The following GPR143 variants were observed in gnomAD, a reference collection of about 807,000 sequenced individuals.
GPR143 encodes G-protein coupled receptor 143.
A neutral mutation model predicts 27.6 loss-of-function variants in GPR143; 8 were observed. The ratio of observed to expected loss-of-function variants is 0.29; its 90% CI spans 0.17 to 0.52. GPR143 has a LOEUF of 0.52. GPR143 is among the 20% of genes least tolerant of loss of function. GPR143 has a pLI of 0.96. For missense variants in GPR143, 303 were observed against 343.1 expected (o/e 0.88, Z 0.92); for synonymous variants, 156 against 153.2 (o/e 1.02, Z -0.13).
intron 1 of GPR143, among the ~76,000 whole-genome samples, chrX:9,763,835 C>T (rs192784800): frequency 1.1e-4 from 12 of 112,355 alleles, no homozygotes; most frequent in Non-Finnish European, 1.3e-4. Context: ...GGGAGCCATA[C>T]TTTCTCAGTC....
chrX:9,770,918 T>C (rs188162968), upstream of GPR143, among the ~76,000 whole-genome samples: 15 of 112,110 alleles, frequency 1.3e-4, no homozygotes, highest in Non-Finnish European at 7.5e-5. Flanking sequence ...AACAGGAGTT[T>C]ATGAGTAACA....
At chrX:9,734,983 A>G (rs1237099714) in intron 8 of GPR143, among the ~76,000 whole-genome samples, 1 of 111,235 alleles carries the variant, frequency 9.0e-6, no homozygotes, top group Non-Finnish European at 1.9e-5. Context: ...CCTAGTAATG[A>G]CTCTCTTCAG....
At chrX:9,727,113 G>A (rs542643495) in intron 8 of GPR143, among the ~76,000 whole-genome samples, 74 of 113,014 alleles carry the variant, frequency 6.5e-4, no homozygotes, top group African/African-American at 2.2e-3. Context: ...TGCTGGTAAC[G>A]GATGAAATCC....
upstream of GPR143, chrX:9,765,887 G>C: frequency 1.0e-6 from 1 of 976,234 alleles, no homozygotes. Flanking sequence ...TGTGCTGGGC[G>C]GGCTGGGGGC....
At chrX:9,763,984 A>C (rs996061354) in intron 1 of GPR143, among the ~76,000 whole-genome samples, 2 of 112,708 alleles carry the variant, frequency 1.8e-5, no homozygotes, top group Non-Finnish European at 3.7e-5. Context: ...CATGCCAGGA[A>C]ATATTTTTTA....
chrX:9,764,062 G>A (rs1455732004), intron 1 of GPR143, among the ~76,000 whole-genome samples: 1 of 112,114 alleles, frequency 8.9e-6, no homozygotes, highest in Non-Finnish European at 1.9e-5. Context: ...AACACTTTAC[G>A]ATGCCAAGGG....
chrX:9,777,436 G>C (rs1432931683), intron 1 of GPR143, among the ~76,000 whole-genome samples: 4 of 111,506 alleles, frequency 3.6e-5, no homozygotes, highest in Non-Finnish European at 7.5e-5. Context: ...GGTGTGAACT[G>C]AATCTCTCAG....
chrX:9,761,795 C>A (rs1024048238), intron 1 of GPR143, among the ~76,000 whole-genome samples: 2 of 112,666 alleles, frequency 1.8e-5, no homozygotes, highest in African/African-American at 3.2e-5. Context: ...ATGCAATATC[C>A]GTTGTTTAAA....
At chrX:9,753,184 C>T (rs907763452) in intron 3 of GPR143, among the ~76,000 whole-genome samples, 1 of 110,039 alleles carries the variant, frequency 9.1e-6, no homozygotes, top group African/African-American at 3.3e-5. Context: ...ATGGTGAAAC[C>T]CCATCTCTAC....
intron 1 of GPR143, among the ~76,000 whole-genome samples, chrX:9,775,461 GA>G (rs2083568132): frequency 8.9e-6 from 1 of 111,785 alleles, no homozygotes; most frequent in African/African-American, 3.2e-5. Flanking sequence ...CATGGGCTGG[GA>G]ACATCAGATA....
intron 1 of GPR143, among the ~76,000 whole-genome samples, chrX:9,778,509 T>C (rs939187230): frequency 1.8e-5 from 2 of 109,634 alleles, no homozygotes; most frequent in Admixed American, 9.8e-5. Context: ...AAGAGAGAGA[T>C]AGGTGTACAT....
chrX:9,778,069 C>T (rs1338247612), intron 1 of GPR143, among the ~76,000 whole-genome samples: 4 of 109,058 alleles, frequency 3.7e-5, no homozygotes, highest in African/African-American at 1.0e-4. Flanking sequence ...CCAGCCTGGG[C>T]GACAGAGTGA....
chrX:9,765,401 G>C (rs748705023), intron 1 of GPR143, among the ~76,000 whole-genome samples, 167 bp downstream of exon 1: 2 of 110,853 alleles, frequency 1.8e-5, no homozygotes, highest in Admixed American at 1.9e-4. Flanking sequence ...CCTGCACCGG[G>C]CAGGTTCCAA....
intron 1 of GPR143, among the ~76,000 whole-genome samples, chrX:9,778,139 A>G (rs2083576792): frequency 1.8e-5 from 2 of 112,133 alleles, no homozygotes; most frequent in African/African-American, 6.5e-5. Context: ...CAAGCGGCTT[A>G]CAAGAAATGT....
At chrX:9,761,074 CT>C (rs200603977) in intron 1 of GPR143, among the ~76,000 whole-genome samples, 48 of 110,910 alleles carry the variant, frequency 4.3e-4, no homozygotes, top group African/African-American at 1.6e-3. Flanking sequence ...CATAAAATAA[CT>C]TTTTTTTATT....
chrX:9,737,392 T>C (rs1454469016), intron 8 of GPR143, among the ~76,000 whole-genome samples: 1 of 112,010 alleles, frequency 8.9e-6, no homozygotes, highest in African/African-American at 3.2e-5. Flanking sequence ...ATAAAAAGAA[T>C]GAAGTTCTGA....
At chrX:9,725,909 T>C (rs1209801405) in intron 8 of GPR143, 69 bp from the exon 9 acceptor site, 10 of 1,108,135 alleles carry the variant, frequency 9.0e-6, no homozygotes, top group Admixed American at 2.7e-5. Flanking sequence ...CTTCAGAAAA[T>C]GCTCAGTATT....
intron 4 of GPR143, among the ~76,000 whole-genome samples, chrX:9,747,437 C>T (rs770658497): frequency 6.3e-5 from 7 of 111,326 alleles, no homozygotes; most frequent in South Asian, 3.8e-4. Context: ...CAGGAGTCTC[C>T]GGGGTCCCAC....
At chrX:9,756,141 A>G (rs1033698024) in intron 3 of GPR143, among the ~76,000 whole-genome samples, 7 of 112,197 alleles carry the variant, frequency 6.2e-5, no homozygotes, top group African/African-American at 2.3e-4. Flanking sequence ...TATGATCTCT[A>G]TTTACTGATA....
Sources: gnomAD v4.1 joint callset for allele counts (sites outside exome capture counted in the v4.1 genomes callset) on GRCh38, gnomAD v4.1.1 for gene constraint, MANE v1.5 for transcripts, NCBI Gene and HGNC (gene_info 2026-07-23, HGNC 2026-07-21) for gene names.